RSPRY1: variants seen among roughly 807,000 people sequenced by gnomAD.
RSPRY1 encodes the protein RING finger and SPRY domain-containing protein 1.
Under a neutral mutation model 73.1 loss-of-function variants are expected in RSPRY1, and 23 were observed. The ratio of observed to expected loss-of-function variants is 0.31; its 90% CI spans 0.23 to 0.45. The LOEUF is 0.45. RSPRY1 is among the 20% of genes least tolerant of loss of function. The pLI is 1.00. For missense variants in RSPRY1, 448 were observed against 698.7 expected (o/e 0.64, Z 4.05); for synonymous variants, 226 against 251.4 (o/e 0.90, Z 0.95).
chr16:57,208,208 A>C (rs2074762641), intron 3 of RSPRY1, 98 bp downstream of exon 3: 1 of 733,588 alleles, frequency 1.4e-6, no homozygotes, highest in Admixed American at 2.6e-5. Context: ...TTTGAGATAA[A>C]AGACTCCAAA....
intron 1 of RSPRY1, among the ~76,000 whole-genome samples, chr16:57,195,765 G>A (rs1191419312): frequency 2.6e-5 from 4 of 151,398 alleles, no homozygotes; most frequent in African/African-American, 9.7e-5. Flanking sequence ...GCTCACACCT[G>A]TAATCCCAGC....
chr16:57,196,661 G>A (rs1567484626), intron 1 of RSPRY1, among the ~76,000 whole-genome samples: 1 of 152,300 alleles, frequency 6.6e-6, no homozygotes, highest in East Asian at 1.9e-4. Flanking sequence ...ATATAGGTAA[G>A]TATAGGTTAT....
At position 57,234,105 on chromosome 16, in the gene RSPRY1, A is replaced by G. The variant is rs182794209; in HGVS notation, c.1530-1019A>G. Among the ~76,000 whole-genome samples the G allele has an allele frequency of 3.3e-5, 5 of 151,884 alleles. No individual in the cohort carries two copies. In the South Asian group the frequency reaches 6.2e-4, roughly 19 times the overall value. On this transcript the variant is annotated intron_variant, in intron 13 of 14. Transcript: ENST00000394420. ...CTTCCCTATGTTACTTTTCTGACCT[A>G]TTTCCTACCCTCTCCCGTTTTCTCA...
At position 57,233,379 on chromosome 16, in the gene RSPRY1, T is replaced by A. The variant is rs150492062; in HGVS notation, c.1530-1745T>A. On this transcript the variant is annotated intron_variant, in intron 13 of 14. Transcript: ENST00000394420. Reference sequence around the variant, plus strand: ...CTCTCATCTCTGTTTTTTTAATTTTTATTTTTTATTTTTTGAGACAGGGTC... The same window carrying A: ...CTCTCATCTCTGTTTTTTTAATTTTAATTTTTTATTTTTTGAGACAGGGTC... 1.8e-3 allele frequency among the ~76,000 whole-genome samples: 271 copies of A among 152,270 alleles called. 2 individuals are homozygous for A. Among genetic ancestry groups the A allele is most frequent in the African/African-American group, 6.1e-3 (255 of 41,550 alleles).
chr16:57,231,185 A>G lies in RSPRY1; in HGVS notation c.1395A>G (p.Ala465=), dbSNP rs2075213965. The change falls in exon 13 of 15, where the codon GCA becomes GCG. Residue 465 remains alanine, a synonymous_variant. Coordinates refer to ENST00000394420, the MANE Select transcript of RSPRY1 (RefSeq NM_133368.3). ...TTTGTAGATCTGGATTTTTTGCTGC[A>G]GCTAGTTTCATGTCATATCAACAAT... is the stretch of plus-strand genomic sequence containing the variant. The part of the protein sequence containing the change: ...FSSTVSGFFA[A]ASFMSYQQCE... 7.4e-6 allele frequency: 12 copies of G among 1,612,766 alleles called. No homozygotes were observed. Among genetic ancestry groups the G allele is most frequent in the Non-Finnish European group, 7.6e-6 (9 of 1,179,544 alleles).
At chr16:57,213,832 T>C in intron 5 of RSPRY1, 56 bp from the exon 6 acceptor site, 4 of 1,218,450 alleles carry the variant, frequency 3.3e-6, no homozygotes, top group Middle Eastern at 3.8e-4. Flanking sequence ...TTGTTACCAG[T>C]GATTTAAAAT....
At chr16:57,190,235 G>A (rs1231468143) in intron 1 of RSPRY1, among the ~76,000 whole-genome samples, 1 of 152,130 alleles carries the variant, frequency 6.6e-6, no homozygotes, top group African/African-American at 2.4e-5. Context: ...CCAGCGTGGT[G>A]GCACATGCAG....
intron 10 of RSPRY1, 44 bp from the exon 11 acceptor site, chr16:57,227,298 G>C: frequency 7.5e-7 from 1 of 1,338,898 alleles, no homozygotes; most frequent in Non-Finnish European, 1.1e-6. Context: ...TCCCAGGTCA[G>C]AGCAGGCAGA....
chr16:57,202,757 C>T (rs1323612142), intron 1 of RSPRY1, among the ~76,000 whole-genome samples: 3 of 151,938 alleles, frequency 2.0e-5, no homozygotes, highest in African/African-American at 7.2e-5. Flanking sequence ...ATAGTGAAAA[C>T]GTCTGTTGCC....
chr16:57,208,273 A>G (rs1468999443), intron 3 of RSPRY1, among the ~76,000 whole-genome samples, 163 bp downstream of exon 3: 2 of 145,938 alleles, frequency 1.4e-5, no homozygotes, highest in African/African-American at 5.1e-5. Context: ...ATTTCCCTGA[A>G]TAGGTATAAT....
chr16:57,217,148 C>T, intron 8 of RSPRY1, 113 bp downstream of exon 8: 2 of 1,156,604 alleles, frequency 1.7e-6, no homozygotes, highest in Non-Finnish European at 1.3e-6. Context: ...TCATAAGGAC[C>T]TCTACTGGCA....
At chr16:57,221,651 T>A (rs1319863810) in intron 10 of RSPRY1, among the ~76,000 whole-genome samples, 2 of 152,138 alleles carry the variant, frequency 1.3e-5, no homozygotes, top group African/African-American at 4.8e-5. Context: ...TCACGCTAAT[T>A]TTTCACCTAG....
chr16:57,223,213 G>A (rs2075067038), intron 10 of RSPRY1, among the ~76,000 whole-genome samples: 1 of 152,200 alleles, frequency 6.6e-6, no homozygotes, highest in Non-Finnish European at 1.5e-5. Context: ...TATTCAGACA[G>A]GGTGTGATTC....
intron 1 of RSPRY1, among the ~76,000 whole-genome samples, chr16:57,193,633 C>T (rs1469325874): frequency 2.6e-5 from 4 of 152,034 alleles, no homozygotes; most frequent in Non-Finnish European, 5.9e-5. Context: ...GCTGGAATTA[C>T]AGGCACACGC....
At chr16:57,227,933 T>A (rs1478206358) in intron 11 of RSPRY1, among the ~76,000 whole-genome samples, 1 of 152,138 alleles carries the variant, frequency 6.6e-6, no homozygotes, top group African/African-American at 2.4e-5. Flanking sequence ...ATAGAGGATA[T>A]AACCCAACTC....
chr16:57,199,895 G>GTTTTTTTTTTTTTTTTTTTTTTTTTT (rs61132783), intron 1 of RSPRY1, among the ~76,000 whole-genome samples: 3 of 106,252 alleles, frequency 2.8e-5, no homozygotes, highest in Admixed American at 1.1e-4. Context: ...TTTTTTGTTT[G>GTTTTTTTTTTTTTTTTTTTTTTTTTT]TTTTTTTTTT....
rs1185993362 is a variant in RSPRY1, at chr16:57,196,020, C to CAAA, written c.-155-8471_-155-8469dup. On this transcript the variant is annotated intron_variant, in intron 1 of 14. Coordinates refer to ENST00000394420, the MANE Select transcript of RSPRY1 (RefSeq NM_133368.3). ...CTGGCGACAGAGTGAGACTTCATCTCAAAAAAAAAAAAAAATATATATATA... is the reference window on the plus strand; with the variant it reads ...CTGGCGACAGAGTGAGACTTCATCTCAAAAAAAAAAAAAAAAAATATATATATA... 4.5e-3 allele frequency among the ~76,000 whole-genome samples: 571 copies of CAAA among 127,204 alleles called. 2 individuals are homozygous for CAAA. Among genetic ancestry groups the CAAA allele is most frequent in the African/African-American group, 0.016 (525 of 32,250 alleles). The allele number at this position is 127,204 out of a possible 152,430, so 83.5% of individuals were successfully genotyped here.
chr16:57,218,564 A>G (rs1242476656), intron 8 of RSPRY1, among the ~76,000 whole-genome samples: 1 of 151,856 alleles, frequency 6.6e-6, no homozygotes, highest in African/African-American at 2.4e-5. Context: ...TAGCTCCCAC[A>G]AAAATTAGTG....
At chr16:57,218,097 A>G (rs2074969921) in intron 8 of RSPRY1, among the ~76,000 whole-genome samples, 1 of 152,220 alleles carries the variant, frequency 6.6e-6, no homozygotes, top group Admixed American at 6.5e-5. Context: ...TGACTAGGGT[A>G]GCACTAACTT....
Sources: allele counts gnomAD v4.1 joint callset (sites outside exome capture counted in the v4.1 genomes callset), GRCh38; gene constraint gnomAD v4.1.1; transcripts MANE v1.5; gene names NCBI Gene and HGNC (gene_info 2026-07-23, HGNC 2026-07-21).